Variants in FAM78A observed in about 807,000 individuals in gnomAD.
The protein encoded by FAM78A is family with sequence similarity 78 member A.
A neutral mutation model predicts 22.6 loss-of-function variants in FAM78A; 12 were observed. That is an observed-to-expected ratio of 0.53 (90% CI 0.34 to 0.86). The LOEUF is 0.86. FAM78A is among the 40% of genes least tolerant of loss of function. The probability of loss-of-function intolerance (pLI) is 0.02; values close to 1 mark genes in which losing one functional copy is unlikely to be tolerated. For synonymous variants in FAM78A, 151 were observed against 155.8 expected, an observed-to-expected ratio of 0.97 and a Z score of 0.23; for missense variants, 322 against 396.1, an observed-to-expected ratio of 0.81 and a Z score of 1.59.
At chr9:131,270,048 A>T (rs1426861317) in intron 1 of FAM78A, among the ~76,000 whole-genome samples, 2 of 150,084 alleles carry the variant, frequency 1.3e-5, no homozygotes, top group African/African-American at 2.4e-5. Flanking sequence ...AAAAAAAAAA[A>T]AAAAAAAAAA....
rs1835452981 is a variant in FAM78A at position 131,274,187 on chromosome 9, C to T, written c.323+1670G>A. Among the ~76,000 whole-genome samples the T allele has an allele frequency of 6.6e-6, 1 of 152,268 alleles. No individual in the cohort carries two copies. On this transcript the variant is annotated intron_variant, in intron 1 of 1. Coordinates refer to ENST00000372271, the MANE Select transcript of FAM78A (RefSeq NM_033387.4). The surrounding 1 kb of genome is among the most constrained non-coding windows in gnomAD (Gnocchi z 4.2). ...CCTTGGGTCAGGCCTGTGGCCTCCC[C>T]ACCACACGTTGCACCAACCACATTA...
rs369923329 is a variant in FAM78A, at chr9:131,260,806, C to T, written c.*16G>A. 49 of 1,513,670 alleles carry T rather than the reference C, an allele frequency of 3.2e-5. No homozygotes were observed. The African/African-American group carries it at 4.1e-4, about 13-fold the overall frequency. 93.8% of individuals were successfully genotyped at this position (1,513,670 alleles called of 1,614,324 possible). On this transcript the variant is annotated 3_prime_UTR_variant, in exon 2 of 2. Transcript: ENST00000372271. This position sits in a 1 kb window ranked among gnomAD's most constrained non-coding sequence, Gnocchi z 5.4. ...ATTATTATTTGTGAGTCTAACCTAG[C>T]GGGTGGTCCTGGCTGTCACCGGTGC... is the stretch of plus-strand genomic sequence containing the variant.
rs1003317847 is a variant in FAM78A at position 131,259,902 on chromosome 9, G to A, written c.*920C>T. The A allele has an allele frequency of 1.3e-5, 2 of 152,652 alleles. No individual in the cohort carries two copies. The highest frequency in any genetic ancestry group is 4.8e-5 in the African/African-American group (2 of 41,428). The allele number at this position is 152,652 out of a possible 1,614,324, so 9.5% of individuals were successfully genotyped here. On this transcript the variant is annotated 3_prime_UTR_variant, in exon 2 of 2. Coordinates refer to ENST00000372271, the MANE Select transcript of FAM78A (RefSeq NM_033387.4). The stretch of plus-strand genomic sequence containing the variant: ...GGACTGAGAGGGTGAAAATTCCCTG[G>A]GCTCACAGGAGCCTGCCTCTCTCCT...
At chr9:131,269,391 G>A (rs1034448235) in intron 1 of FAM78A, among the ~76,000 whole-genome samples, 1 of 152,168 alleles carries the variant, frequency 6.6e-6, no homozygotes, top group African/African-American at 2.4e-5. Context: ...TGCAGGCAGA[G>A]CATAATTTCA....
intron 1 of FAM78A, among the ~76,000 whole-genome samples, chr9:131,267,915 G>T (rs1203127557): frequency 6.6e-6 from 1 of 152,110 alleles, no homozygotes; most frequent in Non-Finnish European, 1.5e-5. Context: ...AGCTGGGCGT[G>T]GTGGCAGGCA....
chr9:131,263,138 C>A (rs1835294984), intron 1 of FAM78A, among the ~76,000 whole-genome samples: 1 of 151,002 alleles, frequency 6.6e-6, no homozygotes, highest in South Asian at 2.1e-4. Flanking sequence ...ACTCAGGAGG[C>A]TGAGGCAGGA....
Position 131,272,234 on chromosome 9 carries a change from T to G in FAM78A, c.323+3623A>C, listed in dbSNP as rs1488891297. Reference sequence around the variant, plus strand: ...CTAGCTCTCGCTACCTAGCTGTCCCTTCCCCGGGCCACTAAAGCACAGGGC... The same window carrying G: ...CTAGCTCTCGCTACCTAGCTGTCCCGTCCCCGGGCCACTAAAGCACAGGGC... On this transcript the variant is annotated intron_variant, in intron 1 of 1. Transcript: ENST00000372271. This position sits in a 1 kb window ranked among gnomAD's most constrained non-coding sequence, Gnocchi z 4.1. Among the ~76,000 whole-genome samples, 2 of 152,218 alleles carry G rather than the reference T, an allele frequency of 1.3e-5. No homozygotes were observed. The highest frequency in any genetic ancestry group is 2.9e-5 in the Non-Finnish European group (2 of 68,030).
rs1835477916 is a variant in FAM78A, at chr9:131,275,914, C to T, written c.266G>A (p.Gly89Asp). ...PIPKKETWVV[G>D]WIQACSHMEF... ...CATGTGGCTGCACGCCTGGATCCAG[C>T]CAACTACCCAAGTCTCCTTCTTGGG... The change falls in exon 1 of 2, where the codon GGC becomes GAC. Residue 89 changes from glycine to aspartate, a missense_variant. Physicochemically the swap from Gly to Asp is moderately conservative, Grantham distance 94 (BLOSUM62 -1). Coordinates refer to ENST00000372271, the MANE Select transcript of FAM78A (RefSeq NM_033387.4). This position sits in a 1 kb window ranked among gnomAD's most constrained non-coding sequence, Gnocchi z 4.6. The T allele has an allele frequency of 1.2e-6, 2 of 1,612,374 alleles. No individual in the cohort carries two copies. The highest frequency in any genetic ancestry group is 1.7e-5 in the Admixed American group (1 of 59,978).
Position 131,261,269 on chromosome 9 carries a change from G to A in FAM78A, c.405C>T (p.Tyr135=), listed in dbSNP as rs539011110. 2.7e-5 allele frequency: 44 copies of A among 1,609,982 alleles called. No homozygotes were observed. Among genetic ancestry groups the A allele is most frequent in the Admixed American group, 3.3e-5 (2 of 59,946 alleles). Residue 135 remains tyrosine, a synonymous_variant, in exon 2 of 2, where the codon TAC becomes TAT. Transcript: ENST00000372271. The surrounding 1 kb of genome is among the most constrained non-coding windows in gnomAD (Gnocchi z 7.1). ...SDSDGVNYPW[Y]GNTTETCTIV... ...TGGTGCAGGTCTCTGTGGTGTTGCC[G>A]TACCAGGGGTAGTTCACCCCATCCG...
rs1835437295 is a variant in FAM78A, at chr9:131,272,861, G to A, written c.323+2996C>T. Among the ~76,000 whole-genome samples, 1 of 152,150 alleles carries A rather than the reference G, an allele frequency of 6.6e-6. No individual in the cohort carries two copies. Among genetic ancestry groups the A allele is most frequent in the South Asian group, 2.1e-4 (1 of 4,836 alleles). On this transcript the variant is annotated intron_variant, in intron 1 of 1. Coordinates refer to ENST00000372271, the MANE Select transcript of FAM78A (RefSeq NM_033387.4). This position sits in a 1 kb window ranked among gnomAD's most constrained non-coding sequence, Gnocchi z 4.1. ...CCGGAGAATCACTTGAACCCGGGAG[G>A]CAGAGGTTGTAGTGAGCCAAGATTG... is the stretch of plus-strand genomic sequence containing the variant.
At position 131,266,737 on chromosome 9, in the gene FAM78A, C is replaced by T. The variant is rs569787803; in HGVS notation, c.324-5387G>A. 1.2e-3 allele frequency among the ~76,000 whole-genome samples: 175 copies of T among 150,436 alleles called. 2 individuals carry two copies. In the South Asian group the frequency reaches 0.014, roughly 12 times the overall value. Reference sequence around the variant, plus strand: ...GCCAGTCTCTACCCTAGACAGACCACGAGGCCGTGAGGGCAGGGCCAGGCC... The same window carrying T: ...GCCAGTCTCTACCCTAGACAGACCATGAGGCCGTGAGGGCAGGGCCAGGCC... On this transcript the variant is annotated intron_variant, in intron 1 of 1. Transcript: ENST00000372271.
intron 1 of FAM78A, among the ~76,000 whole-genome samples, chr9:131,268,329 G>T (rs1835370654): frequency 6.9e-6 from 1 of 144,690 alleles, no homozygotes. Flanking sequence ...CCCCCGCACT[G>T]CCGCCCCCCT....
At chr9:131,262,109 T>C (rs922145459) in intron 1 of FAM78A, among the ~76,000 whole-genome samples, 1 of 150,900 alleles carries the variant, frequency 6.6e-6, no homozygotes, top group Non-Finnish European at 1.5e-5. Flanking sequence ...GGGCGGATCA[T>C]GAGGTCAGGA....
intron 1 of FAM78A, among the ~76,000 whole-genome samples, chr9:131,263,296 G>A (rs898106518): frequency 4.6e-5 from 7 of 151,428 alleles, no homozygotes; most frequent in Admixed American, 2.6e-4. Context: ...GGTGAAGGCT[G>A]CAAAACAATT....
At chr9:131,266,066 G>A (rs1835340343) in intron 1 of FAM78A, among the ~76,000 whole-genome samples, 1 of 152,086 alleles carries the variant, frequency 6.6e-6, no homozygotes, top group Admixed American at 6.5e-5. Context: ...CTGGCAACGG[G>A]GAGGCCTGTG....
At chr9:131,278,200 T>A (rs543056383), upstream of FAM78A, among the ~76,000 whole-genome samples, 33 of 152,008 alleles carry the variant, frequency 2.2e-4, 1 homozygote, top group South Asian at 4.2e-3. Context: ...AGCCTCTCCT[T>A]GAACAAACGA....
chr9:131,264,208 G>A (rs946916555), intron 1 of FAM78A: 5 of 220,170 alleles, frequency 2.3e-5, no homozygotes, highest in African/African-American at 1.1e-4. Flanking sequence ...TGGTTTGGGG[G>A]AGCAGGACTG....
intron 1 of FAM78A, chr9:131,264,610 T>G (rs951830933): frequency 1.4e-6 from 1 of 717,306 alleles, no homozygotes; most frequent in East Asian, 2.7e-5. Context: ...CAGCAGTCAG[T>G]GGAAGCTTCT....
intron 1 of FAM78A, among the ~76,000 whole-genome samples, chr9:131,266,738 G>A (rs536865430): frequency 3.9e-5 from 6 of 152,348 alleles, no homozygotes; most frequent in East Asian, 1.9e-4. Flanking sequence ...GACAGACCAC[G>A]AGGCCGTGAG....
Sources: gnomAD v4.1 joint callset for allele counts (sites outside exome capture counted in the v4.1 genomes callset) on GRCh38, gnomAD v4.1.1 for gene constraint, Gnocchi (gnomAD v3.1) non-coding constraint, MANE v1.5 for transcripts, NCBI Gene and HGNC (gene_info 2026-07-23, HGNC 2026-07-21) for gene names.